The following FADS2 variants were observed in gnomAD, a reference collection of about 807,000 sequenced individuals.
FADS2 encodes the protein fatty acid desaturase 2, also known as acyl-CoA 6-desaturase.
Under a neutral mutation model 61.2 loss-of-function variants are expected in FADS2, and 18 were observed. That is an observed-to-expected ratio of 0.29 (90% CI 0.20 to 0.44). FADS2 has a LOEUF of 0.44. Ranked by LOEUF, FADS2 falls within the 20% of genes least tolerant of loss-of-function variation. The pLI is 1.00. For synonymous variants in FADS2, 203 were observed against 223.9 expected, an observed-to-expected ratio of 0.91 and a Z score of 0.83; for missense variants, 322 against 572.7, an observed-to-expected ratio of 0.56 and a Z score of 4.47.
intron 1 of FADS2, among the ~76,000 whole-genome samples, chr11:61,817,494 A>G (rs2135944842): frequency 6.6e-6 from 1 of 152,346 alleles, no homozygotes; most frequent in South Asian, 2.1e-4. Context: ...AACATTTAAA[A>G]TGCCCCACAA....
rs1239419815 is a variant in FADS2 at position 61,865,812 on chromosome 11, G to A, written c.*123G>A. 6.5e-6 allele frequency: 5 copies of A among 770,976 alleles called. No individual in the cohort carries two copies. The East Asian group carries it at 1.4e-4, about 21-fold the overall frequency. 47.8% of individuals were successfully genotyped at this position (770,976 alleles called of 1,614,324 possible). ...TGTATGCACTGCTCACGGACCCCAT[G>A]TTGGATCTTTCTCCCTTTCTCCTCT... On this transcript the variant is annotated 3_prime_UTR_variant, in exon 12 of 12. Transcript: ENST00000278840. The surrounding 1 kb of genome is among the most constrained non-coding windows in gnomAD (Gnocchi z 4.1).
chr11:61,824,504 AAAG>A, upstream of FADS2, among the ~76,000 whole-genome samples: 1 of 96,906 alleles, frequency 1.0e-5, no homozygotes, highest in African/African-American at 3.4e-5. Flanking sequence ...GAAAGAAAGG[AAAG>A]AAAGAAAGAA....
intron 7 of FADS2, among the ~76,000 whole-genome samples, chr11:61,860,781 C>T (rs190263941): frequency 6.9e-4 from 105 of 152,232 alleles, no homozygotes; most frequent in Middle Eastern, 3.4e-3. Context: ...TGGTGATGCG[C>T]GCCTGTAATC....
chr11:61,865,588 G>A lies in FADS2; in HGVS notation c.1284-50G>A, dbSNP rs1169630885. On this transcript the variant is annotated intron_variant, in intron 11 of 11. Coordinates refer to ENST00000278840, the MANE Select transcript of FADS2 (RefSeq NM_004265.4). The surrounding 1 kb of genome is among the most constrained non-coding windows in gnomAD (Gnocchi z 4.1). Reference sequence around the variant, plus strand: ...GCCTCCTCAGCCCTTGCACTCCCTGGGGCCACTCCCGTCCTGGTCCCTGAC... The same window carrying A: ...GCCTCCTCAGCCCTTGCACTCCCTGAGGCCACTCCCGTCCTGGTCCCTGAC... 4.5e-6 allele frequency: 7 copies of A among 1,562,886 alleles called. No individual in the cohort carries two copies. The highest frequency in any genetic ancestry group is 1.7e-5 in the Admixed American group (1 of 58,966).
chr11:61,833,486 C>A (rs2067145583), intron 1 of FADS2, among the ~76,000 whole-genome samples: 1 of 152,238 alleles, frequency 6.6e-6, no homozygotes, highest in African/African-American at 2.4e-5. Context: ...TTGAGGGAAG[C>A]CTTTGTATGA....
intron 7 of FADS2, among the ~76,000 whole-genome samples, chr11:61,861,471 GATCCCA>G (rs2067416498): frequency 6.6e-6 from 1 of 150,824 alleles, no homozygotes; most frequent in Non-Finnish European, 1.5e-5. Context: ...AATAAAGCAA[GATCCCA>G]TCTCCAAAAA....
chr11:61,823,497 G>A (rs896396843), upstream of FADS2, among the ~76,000 whole-genome samples: 9 of 152,180 alleles, frequency 5.9e-5, no homozygotes, highest in Non-Finnish European at 2.9e-5. Flanking sequence ...TGTCCACCTA[G>A]AGATAATAAC....
At chr11:61,824,519 G>GAA (rs1360229321), upstream of FADS2, among the ~76,000 whole-genome samples, 1 of 114,740 alleles carries the variant, frequency 8.7e-6, no homozygotes, top group Non-Finnish European at 2.0e-5. Flanking sequence ...AAGAAAGAAA[G>GAA]AAAGAAAGAA....
At chr11:61,838,056 C>A (rs2067189257) in intron 2 of FADS2, among the ~76,000 whole-genome samples, 168 bp downstream of exon 2, 1 of 152,130 alleles carries the variant, frequency 6.6e-6, no homozygotes. Flanking sequence ...GGCCTCAGAG[C>A]CTCCCTGGGA....
At chr11:61,855,157 C>G (rs1482661078) in intron 5 of FADS2, 4 of 152,522 alleles carry the variant, frequency 2.6e-5, no homozygotes, top group Admixed American at 2.6e-4. Flanking sequence ...GATGCCCTGG[C>G]CCCTGCTGAC....
intron 4 of FADS2, among the ~76,000 whole-genome samples, chr11:61,844,587 C>T (rs934155929): frequency 3.3e-5 from 5 of 150,978 alleles, no homozygotes; most frequent in Admixed American, 6.6e-5. Flanking sequence ...TTAAGCTAAT[C>T]GCTTGGTTGA....
chr11:61,826,580 A>T, upstream of FADS2: 2 of 597,360 alleles, frequency 3.3e-6, no homozygotes, highest in Non-Finnish European at 6.0e-6. Context: ...CAAGGCCACC[A>T]TACTCTCTGG....
chr11:61,845,415 C>G (rs1209716333), intron 4 of FADS2, among the ~76,000 whole-genome samples: 1 of 152,190 alleles, frequency 6.6e-6, no homozygotes, highest in Non-Finnish European at 1.5e-5. Flanking sequence ...ACGGAGCTGG[C>G]CATTGTTCCT....
At chr11:61,822,784 A>G (rs1052579099) in intron 1 of FADS2, among the ~76,000 whole-genome samples, 2 of 152,250 alleles carry the variant, frequency 1.3e-5, no homozygotes, top group African/African-American at 4.8e-5. Context: ...GTCATCATAT[A>G]TCTATAAACA....
intron 5 of FADS2, chr11:61,854,624 G>C (rs1469995869): frequency 6.6e-6 from 1 of 152,200 alleles, no homozygotes; most frequent in East Asian, 1.9e-4. Flanking sequence ...CCCTTCCCTG[G>C]TCCCATGACT....
At chr11:61,855,098 G>A (rs986218300) in intron 5 of FADS2, 27 of 152,636 alleles carry the variant, frequency 1.8e-4, no homozygotes, top group Non-Finnish European at 3.7e-4. Context: ...CTCCCCAGGT[G>A]CCTCCCAGGC....
At position 61,840,696 on chromosome 11, in the gene FADS2, G is replaced by T. The variant is rs766721590; in HGVS notation, c.589G>T (p.Val197Phe). 6.2e-7 allele frequency: 1 copy of T among 1,614,170 alleles called. No individual in the cohort carries two copies. The highest frequency in any genetic ancestry group is 8.5e-7 in the Non-Finnish European group (1 of 1,180,004). ...CAGAAAACCCAAGTGGAACCACCTTGTCCACAAATTCGTCATTGGCCACTT... is the reference window on the plus strand; with the variant it reads ...CAGAAAACCCAAGTGGAACCACCTTTTCCACAAATTCGTCATTGGCCACTT... ...VYRKPKWNHLVHKFVIGHLKG... is the reference protein window; with the variant it reads ...VYRKPKWNHLFHKFVIGHLKG... Residue 197 changes from valine (V) to phenylalanine (F), a missense_variant, in exon 4 of 12, where the codon GTC (valine) becomes TTC (phenylalanine). Around this residue, in one of 3 missense-constraint regions of FADS2, gnomAD observed 221 missense variants for 427.9 expected, o/e 0.52. Transcript: ENST00000278840.
At chr11:61,834,248 G>A (rs1272075998) in intron 1 of FADS2, among the ~76,000 whole-genome samples, 3 of 152,220 alleles carry the variant, frequency 2.0e-5, no homozygotes, top group African/African-American at 4.8e-5. Context: ...CCATGGGCAA[G>A]GAGCTGATCC....
chr11:61,862,757 T>C, intron 7 of FADS2: 1 of 579,624 alleles, frequency 1.7e-6, no homozygotes, highest in Non-Finnish European at 3.1e-6. Flanking sequence ...GCACAGTCAC[T>C]TCCTGATGCT....
Sources: gnomAD v4.1 joint callset for allele counts (sites outside exome capture counted in the v4.1 genomes callset) on GRCh38, gnomAD v4.1.1 for gene constraint, gnomAD v4.1.1 regional missense constraint, Gnocchi (gnomAD v3.1) non-coding constraint, MANE v1.5 for transcripts, NCBI Gene and HGNC (gene_info 2026-07-23, HGNC 2026-07-21) for gene names.